The following CRYBG1 variants were observed in gnomAD, a reference collection of about 807,000 sequenced individuals.
The protein encoded by CRYBG1 is beta/gamma crystallin domain-containing protein 1.
Under a neutral mutation model 189.2 loss-of-function variants are expected in CRYBG1, and 139 were observed. The ratio of observed to expected loss-of-function variants is 0.73; its 90% CI spans 0.64 to 0.85. The LOEUF is 0.85. Among genes scored for constraint, CRYBG1 ranks in the 40% least tolerant of loss-of-function variants. CRYBG1 has a pLI of 0.00. For synonymous variants in CRYBG1, 1,023 were observed against 1,017.1 expected (o/e 1.01, Z -0.11); for missense variants, 2,611 against 2,675.8 (o/e 0.98, Z 0.53).
At chr6:106,483,069 T>C (rs74692210) in intron 2 of CRYBG1, among the ~76,000 whole-genome samples, 5 of 152,288 alleles carry the variant, frequency 3.3e-5, no homozygotes, top group Admixed American at 2.0e-4. Context: ...TGTGATGTTA[T>C]AGAAAATCAG....
Position 106,571,011 on chromosome 6 carries a change from T to G in CRYBG1, c.*2445T>G, listed in dbSNP as rs765723859. ...CACTGCAATGGGTTGATTGGAGAGA[T>G]ATCTAAATGTAAACATTTGACATCA... is the stretch of plus-strand genomic sequence containing the variant. On this transcript the variant is annotated 3_prime_UTR_variant, in exon 22 of 22. Transcript: ENST00000633556. 4.6e-5 allele frequency: 7 copies of G among 152,178 alleles called. No homozygotes were observed. The highest frequency in any genetic ancestry group is 8.8e-5 in the Non-Finnish European group (6 of 68,038). 9.4% of individuals were successfully genotyped at this position (152,178 alleles called of 1,614,324 possible).
chr6:106,568,967 A>C lies in CRYBG1; in HGVS notation c.*401A>C. On this transcript the variant is annotated 3_prime_UTR_variant, in exon 22 of 22. Transcript: ENST00000633556. ...TGGACCTACAAAGCCCTTACACTTT[A>C]AAGGGTAAGACAAAGGCTTAAGTTT... is the stretch of plus-strand genomic sequence containing the variant. The C allele has an allele frequency of 6.0e-6, 1 of 167,420 alleles. No homozygotes were observed. The highest frequency in any genetic ancestry group is 1.3e-5 in the Non-Finnish European group (1 of 77,522). 10.4% of individuals were successfully genotyped at this position (167,420 alleles called of 1,614,324 possible). A position where few individuals can be genotyped will look rare whatever the true frequency, so the allele number is the denominator to read the frequency against.
At chr6:106,558,126 A>G (rs1486997628) in intron 17 of CRYBG1, among the ~76,000 whole-genome samples, 8 of 150,468 alleles carry the variant, frequency 5.3e-5, no homozygotes, top group Admixed American at 1.3e-4. Context: ...ACCCTTGGCA[A>G]TTATGTCCAT....
chr6:106,424,076 C>G (rs1771181408), intron 1 of CRYBG1, among the ~76,000 whole-genome samples: 1 of 152,002 alleles, frequency 6.6e-6, no homozygotes, highest in Non-Finnish European at 1.5e-5. Context: ...ATATTAGAAA[C>G]AAAGCAAAGG....
rs183977268 is a variant in CRYBG1 at position 106,500,999 on chromosome 6, G to A, written c.313-10431G>A. ...TCTGACTCTTGATTGTTGATAGGCT[G>A]GAGGATAAAGGATTTCTGGAAAATA... On this transcript the variant is annotated intron_variant, in intron 2 of 21. Coordinates refer to ENST00000633556, the MANE Select transcript of CRYBG1 (RefSeq NM_001371242.2). 2.4e-3 allele frequency among the ~76,000 whole-genome samples: 372 copies of A among 152,222 alleles called. 1 individual carries two copies. The highest frequency in any genetic ancestry group is 3.9e-3 in the Non-Finnish European group (263 of 68,018).
chr6:106,515,860 A>G (rs1373360724), intron 3 of CRYBG1, among the ~76,000 whole-genome samples: 1 of 148,940 alleles, frequency 6.7e-6, no homozygotes, highest in African/African-American at 2.5e-5. Context: ...TGGCATGATC[A>G]TGGCTCACTG....
Position 106,570,153 on chromosome 6 carries a change from C to G in CRYBG1, c.*1587C>G, listed in dbSNP as rs950051612. ...GTCCTCATCACTCAATACTGGTGCT[C>G]TTGTCACAGGTAGAACAGCTTGTTT... is the stretch of plus-strand genomic sequence containing the variant. On this transcript the variant is annotated 3_prime_UTR_variant, in exon 22 of 22. Transcript: ENST00000633556. 1 of 152,222 alleles carries G rather than the reference C, an allele frequency of 6.6e-6. No individual in the cohort carries two copies. Among genetic ancestry groups the G allele is most frequent in the African/African-American group, 2.4e-5 (1 of 41,460 alleles). 9.4% of individuals were successfully genotyped at this position (152,222 alleles called of 1,614,324 possible). A position where few individuals can be genotyped will look rare whatever the true frequency, so the allele number is the denominator to read the frequency against.
At chr6:106,541,146 G>A (rs1582827464) in intron 9 of CRYBG1, 2 of 420,838 alleles carry the variant, frequency 4.8e-6, no homozygotes, top group African/African-American at 2.1e-5. Flanking sequence ...GAGTTAAACC[G>A]AAGGGAATGG....
At chr6:106,567,938 C>T (rs1338160517) in intron 21 of CRYBG1, among the ~76,000 whole-genome samples, 1 of 152,190 alleles carries the variant, frequency 6.6e-6, no homozygotes, top group Non-Finnish European at 1.5e-5. Flanking sequence ...CCCTTATGTA[C>T]TTCCGGGTGT....
intron 1 of CRYBG1, among the ~76,000 whole-genome samples, chr6:106,379,318 G>A (rs1462694788): frequency 6.6e-6 from 1 of 151,206 alleles, no homozygotes; most frequent in Non-Finnish European, 1.5e-5. Context: ...CTGGAGTGCA[G>A]TGGCATGATC....
chr6:106,493,808 G>A (rs1772780720), intron 2 of CRYBG1, among the ~76,000 whole-genome samples: 1 of 152,084 alleles, frequency 6.6e-6, no homozygotes, highest in Non-Finnish European at 1.5e-5. Context: ...TGTCAGCAGG[G>A]GAGGGGAAGG....
intron 8 of CRYBG1, among the ~76,000 whole-genome samples, chr6:106,532,382 C>T (rs533026015): frequency 1.3e-5 from 2 of 152,248 alleles, no homozygotes; most frequent in South Asian, 4.1e-4. Flanking sequence ...GTGCGGGTAT[C>T]CTTTGACATA....
At chr6:106,489,787 CAAAAAAAAAA>C (rs10593320) in intron 2 of CRYBG1, among the ~76,000 whole-genome samples, 9 of 81,678 alleles carry the variant, frequency 1.1e-4, no homozygotes, top group East Asian at 4.0e-4. Flanking sequence ...ACTCTGTGTC[CAAAAAAAAAA>C]AAAAAAAAAA....
intron 20 of CRYBG1, among the ~76,000 whole-genome samples, chr6:106,562,171 G>A (rs1210212420): frequency 6.6e-6 from 1 of 152,198 alleles, no homozygotes; most frequent in East Asian, 1.9e-4. Context: ...TGAGTCAGCA[G>A]AAGGAACACA....
chr6:106,512,523 C>A lies in CRYBG1; in HGVS notation c.1406C>A (p.Ser469Tyr). 3 of 1,609,980 alleles carry A rather than the reference C, an allele frequency of 1.9e-6. No homozygotes were observed. Among genetic ancestry groups the A allele is most frequent in the East Asian group, 2.2e-5 (1 of 44,754 alleles). Residue 469 changes from serine to tyrosine, a missense_variant, in exon 3 of 22, where the codon TCT (serine) becomes TAT (tyrosine). Physicochemically the swap from Ser to Tyr is moderately radical, Grantham distance 144. Coordinates refer to ENST00000633556, the MANE Select transcript of CRYBG1 (RefSeq NM_001371242.2). ...GCCTCGGCGGAAAAGAAAGTGAAATCTCCGCGGGCAGCCCTCGACGGGGGC... is the reference window on the plus strand; with the variant it reads ...GCCTCGGCGGAAAAGAAAGTGAAATATCCGCGGGCAGCCCTCGACGGGGGC... ...DNASAEKKVK[S>Y]PRAALDGGVA...
intron 2 of CRYBG1, among the ~76,000 whole-genome samples, chr6:106,485,908 G>A (rs1265288607): frequency 6.6e-6 from 1 of 152,062 alleles, no homozygotes; most frequent in Non-Finnish European, 1.5e-5. Context: ...CATTCATCAG[G>A]GATACTGACC....
At chr6:106,428,191 T>C (rs4946751) in intron 1 of CRYBG1, among the ~76,000 whole-genome samples, 77,955 of 152,018 alleles carry the variant, frequency 0.51, 20,354 homozygotes, top group East Asian at 0.75. Flanking sequence ...TCCCTGATGG[T>C]ATTTTATTCA....
chr6:106,438,814 A>C (rs1771516168), intron 1 of CRYBG1, among the ~76,000 whole-genome samples: 1 of 152,230 alleles, frequency 6.6e-6, no homozygotes. Flanking sequence ...TTCGGTTTTC[A>C]AAAATAAATG....
At chr6:106,544,721 C>G (rs185848745) in intron 12 of CRYBG1, 24 bp downstream of exon 12, 1 of 1,609,174 alleles carries the variant, frequency 6.2e-7, no homozygotes, top group Non-Finnish European at 8.5e-7. Context: ...AAGCTAATGG[C>G]TAATACTTGG....
Sources: gnomAD v4.1 joint callset for allele counts (sites outside exome capture counted in the v4.1 genomes callset) on GRCh38, gnomAD v4.1.1 for gene constraint, MANE v1.5 for transcripts, NCBI Gene and HGNC (gene_info 2026-07-23, HGNC 2026-07-21) for gene names.